The following PRKN variants were observed in gnomAD, a reference collection of about 807,000 sequenced individuals.
The protein encoded by PRKN is E3 ubiquitin-protein ligase parkin.
Under a neutral mutation model 59.5 loss-of-function variants are expected in PRKN, and 56 were observed. The ratio of observed to expected loss-of-function variants is 0.94; its 90% CI spans 0.76 to 1.18. The LOEUF is 1.18. PRKN is among the 50% of genes most tolerant of loss of function. PRKN has a pLI of 0.00. For synonymous variants in PRKN, 250 were observed against 222.1 expected, an observed-to-expected ratio of 1.13 and a Z score of -1.12; for missense variants, 657 against 596.4, an observed-to-expected ratio of 1.10 and a Z score of -1.06.
chr6:161,829,849 C>CAA (rs11457054), intron 6 of PRKN, among the ~76,000 whole-genome samples: 2,523 of 86,280 alleles, frequency 0.029, 92 homozygotes, highest in African/African-American at 0.081. Flanking sequence ...CACTAAATGC[C>CAA]AAAAAAAAAA....
intron 1 of PRKN, chr6:162,727,094 T>C (rs1381209247): frequency 1.3e-5 from 2 of 152,204 alleles, no homozygotes; most frequent in South Asian, 2.1e-4. Flanking sequence ...AGCCCTCCAA[T>C]GAGAAGTTTA....
intron 6 of PRKN, among the ~76,000 whole-genome samples, chr6:161,832,857 C>G (rs1296704755): frequency 7.9e-5 from 12 of 151,940 alleles, no homozygotes; most frequent in Admixed American, 5.9e-4. Flanking sequence ...CTCCTGCCCA[C>G]TAGATGCCAG....
chr6:161,657,654 T>C (rs1784398679), intron 7 of PRKN, among the ~76,000 whole-genome samples: 1 of 152,194 alleles, frequency 6.6e-6, no homozygotes, highest in African/African-American at 2.4e-5. Context: ...ACTCTGCTTC[T>C]GTTTCTTGAC....
At position 161,475,556 on chromosome 6, in the gene PRKN, T is replaced by C. The variant is rs2115212861; in HGVS notation, c.1083+73298A>G. 6.6e-6 allele frequency among the ~76,000 whole-genome samples: 1 copy of C among 152,266 alleles called. No homozygotes were observed. Among genetic ancestry groups the C allele is most frequent in the Admixed American group, 6.5e-5 (1 of 15,298 alleles). On this transcript the variant is annotated intron_variant, in intron 9 of 11. Coordinates refer to ENST00000366898, the MANE Select transcript of PRKN (RefSeq NM_004562.3). This position sits in a 1 kb window ranked among gnomAD's most constrained non-coding sequence, Gnocchi z 5.3. ...TCTCGCTCTGTGGCCCAGGCTGGAG[T>C]GCCGCGGTGCAATACAACTTGCCGC...
In PRKN at chr6:162,524,363, T is replaced by C. The variant is rs371492273; in HGVS notation, c.8-80890A>G. Among the ~76,000 whole-genome samples, 4 of 152,206 alleles carry C rather than the reference T, an allele frequency of 2.6e-5. No homozygotes were observed. The South Asian group carries it at 8.3e-4, about 32-fold the overall frequency. ...AGAGAATTCTTATCATTTGGAGGAG[T>C]CATTTTATTTATTTATTGGCCTTGG... On this transcript the variant is annotated intron_variant, in intron 1 of 11. Coordinates refer to ENST00000366898, the MANE Select transcript of PRKN (RefSeq NM_004562.3).
At chr6:162,327,706 A>G (rs1440470829) in intron 2 of PRKN, among the ~76,000 whole-genome samples, 1 of 151,948 alleles carries the variant, frequency 6.6e-6, no homozygotes, top group African/African-American at 2.4e-5. Flanking sequence ...TACAGTTTCA[A>G]TGTTAGGTTT....
intron 2 of PRKN, among the ~76,000 whole-genome samples, chr6:162,343,139 T>A (rs945286826): frequency 1.3e-5 from 2 of 152,244 alleles, no homozygotes; most frequent in African/African-American, 4.8e-5. Flanking sequence ...AAATATCTGC[T>A]TATTACATTT....
At chr6:162,104,999 T>C (rs999441582) in intron 4 of PRKN, among the ~76,000 whole-genome samples, 2 of 152,174 alleles carry the variant, frequency 1.3e-5, no homozygotes, top group Non-Finnish European at 2.9e-5. Context: ...GAATACCAAT[T>C]GTTTGGCCAT....
Position 162,371,846 on chromosome 6 carries a change from G to A in PRKN, c.171+71464C>T, listed in dbSNP as rs147737216. On this transcript the variant is annotated intron_variant, in intron 2 of 11. Transcript: ENST00000366898. ...CCTTCTTACTATGGGTCCCTTCTCC[G>A]CCTTCCTCAAACATGGCAGCCCTGT... Among the ~76,000 whole-genome samples, 417 of 152,188 alleles carry A rather than the reference G, an allele frequency of 2.7e-3. 1 individual carries two copies. Among genetic ancestry groups the A allele is most frequent in the African/African-American group, 8.9e-3 (368 of 41,536 alleles).
intron 1 of PRKN, among the ~76,000 whole-genome samples, chr6:162,595,051 G>A (rs1482778167): frequency 6.6e-6 from 1 of 151,872 alleles, no homozygotes; most frequent in Non-Finnish European, 1.5e-5. Flanking sequence ...GCGGGTGCCT[G>A]TAGTCCCAGC....
intron 1 of PRKN, among the ~76,000 whole-genome samples, chr6:162,534,597 A>G (rs940497311): frequency 6.6e-6 from 1 of 152,188 alleles, no homozygotes; most frequent in African/African-American, 2.4e-5. Flanking sequence ...AACTTCAGGG[A>G]GTAATTAAAT....
In PRKN at chr6:162,042,953, T is replaced by G. The variant is rs1784120870; in HGVS notation, c.618+11138A>C. Among the ~76,000 whole-genome samples, 3 of 152,292 alleles carry G rather than the reference T, an allele frequency of 2.0e-5. 1 individual carries two copies. In the South Asian group the frequency reaches 6.2e-4, roughly 32 times the overall value. On this transcript the variant is annotated intron_variant, in intron 5 of 11. Coordinates refer to ENST00000366898, the MANE Select transcript of PRKN (RefSeq NM_004562.3). Reference sequence around the variant, plus strand: ...CTACATTAGTCCATTTGCATGCTGCTGAAAAAGACATACCCAAAAACAGGA... The same window carrying G: ...CTACATTAGTCCATTTGCATGCTGCGGAAAAAGACATACCCAAAAACAGGA...
At chr6:162,024,309 T>C (rs2128276997) in intron 5 of PRKN, among the ~76,000 whole-genome samples, 1 of 146,384 alleles carries the variant, frequency 6.8e-6, no homozygotes, top group South Asian at 2.2e-4. Flanking sequence ...GCAATTCTCC[T>C]GCTTCAGCCC....
In PRKN at chr6:162,235,958, GAAGAAAGAAAGAAAGAAAGA is replaced by G. The variant is rs58769358; in HGVS notation, c.412+26547_412+26566del. ...GGAAGGAAGGAAGGAAGGAAGAAAG[GAAGAAAGAAAGAAAGAAAGA>G]AAGAAAGAAAGAAAGAAAGAAAGAA... On this transcript the variant is annotated intron_variant, in intron 3 of 11. Coordinates refer to ENST00000366898, the MANE Select transcript of PRKN (RefSeq NM_004562.3). Among the ~76,000 whole-genome samples the G allele has an allele frequency of 3.1e-3, 285 of 92,656 alleles. 2 individuals carry two copies. Among genetic ancestry groups the G allele is most frequent in the Non-Finnish European group, 4.8e-3 (205 of 43,114 alleles). 60.8% of individuals were successfully genotyped at this position (92,656 alleles called of 152,430 possible). A position where few individuals can be genotyped will look rare whatever the true frequency, so the allele number is the denominator to read the frequency against.
At chr6:161,636,923 T>C (rs1443728711) in intron 7 of PRKN, among the ~76,000 whole-genome samples, 4 of 152,084 alleles carry the variant, frequency 2.6e-5, no homozygotes, top group Admixed American at 1.3e-4. Context: ...CTCAGGTCTG[T>C]TCATGTTCAT....
At chr6:161,658,030 A>AAAAAAGAAAAG (rs781518268) in intron 7 of PRKN, among the ~76,000 whole-genome samples, 23 of 104,902 alleles carry the variant, frequency 2.2e-4, no homozygotes, top group Middle Eastern at 6.3e-3. Context: ...AAAAAAAAAA[A>AAAAAAGAAAAG]AAAAGAAAAG....
rs1779965433 is a variant in PRKN at position 161,550,548 on chromosome 6, T to A, written c.934-1545A>T. ...CGGGAAGGTAGTGCTGGAGGTAGGA[T>A]GAGTGTTTGAATTCTGGGTATAAAT... On this transcript the variant is annotated intron_variant, in intron 8 of 11. Transcript: ENST00000366898. This position sits in a 1 kb window ranked among gnomAD's most constrained non-coding sequence, Gnocchi z 4.0. 6.6e-6 allele frequency among the ~76,000 whole-genome samples: 1 copy of A among 152,002 alleles called. No homozygotes were observed. The highest frequency in any genetic ancestry group is 2.1e-4 in the South Asian group (1 of 4,818).
chr6:162,316,203 A>C (rs1293318600), intron 2 of PRKN, among the ~76,000 whole-genome samples: 1 of 151,910 alleles, frequency 6.6e-6, no homozygotes, highest in Non-Finnish European at 1.5e-5. Context: ...GGACCATGAA[A>C]AATGGGAAAG....
chr6:162,053,127 C>T (rs141885324), intron 5 of PRKN, among the ~76,000 whole-genome samples: 2 of 152,286 alleles, frequency 1.3e-5, no homozygotes, highest in Admixed American at 6.5e-5. Flanking sequence ...AAAATCTGTT[C>T]GTAGTCCCTA....
Sources: allele counts gnomAD v4.1 joint callset (sites outside exome capture counted in the v4.1 genomes callset), GRCh38; gene constraint gnomAD v4.1.1; non-coding constraint Gnocchi (gnomAD v3.1); transcripts MANE v1.5; gene names NCBI Gene and HGNC (gene_info 2026-07-23, HGNC 2026-07-21).